Variants in ZNF334 observed in about 807,000 individuals in gnomAD.
ZNF334 encodes the protein zinc finger protein 334.
Under a neutral mutation model 12.4 loss-of-function variants are expected in ZNF334, and 14 were observed. The ratio of observed to expected loss-of-function variants is 1.13; its 90% CI spans 0.74 to 1.76. The LOEUF (loss-of-function observed/expected upper bound fraction) is 1.76, where lower values mean the gene tolerates loss of function less well. Ranked by LOEUF, ZNF334 falls within the 40% of genes most tolerant of loss-of-function variation. ZNF334 has a pLI of 0.00. For synonymous variants in ZNF334, 273 were observed against 269.6 expected (o/e 1.01, Z -0.12); for missense variants, 797 against 804.5 (o/e 0.99, Z 0.11).
chr20:46,503,280 A>G (rs979367523), intron 4 of ZNF334, among the ~76,000 whole-genome samples, 183 bp from the exon 5 acceptor site: 1 of 152,246 alleles, frequency 6.6e-6, no homozygotes, highest in African/African-American at 2.4e-5. Context: ...GAAACAAAAA[A>G]TACAAAAAAG....
chr20:46,493,090 G>GAAA, the ZNF334 span, among the ~76,000 whole-genome samples: 2 of 141,958 alleles, frequency 1.4e-5, no homozygotes. Flanking sequence ...TCTGTCTTTA[G>GAAA]AAAAAAAAAA....
Position 46,500,217 on chromosome 20 carries a change from A to G in ZNF334, c.*1079T>C, listed in dbSNP as rs1364463439. ...CTTCCTCATGCCTGGGGCAGAATGC[A>G]TAATGTGGCAGAGAAGCTAGGAATG... On this transcript the variant is annotated 3_prime_UTR_variant, in exon 5 of 5. Transcript: ENST00000692313. The G allele has an allele frequency of 6.6e-6, 1 of 152,208 alleles. No homozygotes were observed. The highest frequency in any genetic ancestry group is 1.5e-5 in the Non-Finnish European group (1 of 68,032). 9.4% of individuals were successfully genotyped at this position (152,208 alleles called of 1,614,324 possible). A position where few individuals can be genotyped will look rare whatever the true frequency, so the allele number is the denominator to read the frequency against.
intron 2 of ZNF334, among the ~76,000 whole-genome samples, chr20:46,507,283 T>C (rs1322497974): frequency 6.6e-6 from 1 of 151,616 alleles, no homozygotes; most frequent in African/African-American, 2.4e-5. Context: ...AAGAAAAGGC[T>C]AGGATGAACC....
At chr20:46,506,201 C>T in intron 2 of ZNF334, 1 of 413,228 alleles carries the variant, frequency 2.4e-6, no homozygotes, top group Non-Finnish European at 4.3e-6. Flanking sequence ...AGAGATACCA[C>T]AGTGATCAGA....
downstream of ZNF334, among the ~76,000 whole-genome samples, chr20:46,497,165 C>G (rs533787113): frequency 6.6e-6 from 1 of 152,206 alleles, no homozygotes; most frequent in South Asian, 2.1e-4. Context: ...CAAATAAGGT[C>G]TCAACCAGAC....
chr20:46,487,595 C>A, the ZNF334 span, among the ~76,000 whole-genome samples: 1 of 152,104 alleles, frequency 6.6e-6, no homozygotes, highest in Admixed American at 6.5e-5. Context: ...TATTTTGAAG[C>A]TCTGTGGGTG....
chr20:46,465,586 A>AT, the ZNF334 span, among the ~76,000 whole-genome samples: 24 of 152,138 alleles, frequency 1.6e-4, no homozygotes, highest in Non-Finnish European at 3.2e-4. Context: ...TTAGCTGGGC[A>AT]TGGTGGTGCA....
rs199589404 is a variant in ZNF334, at chr20:46,501,753, T to C, written c.1586A>G (p.Asn529Ser). The change falls in exon 5 of 5, where the codon AAC (asparagine) becomes AGC (serine). Residue 529 changes from asparagine to serine, a missense_variant. Transcript: ENST00000692313. ...CSEHGHAVSK[N>S]SHLIVHQRTI... is the part of the protein sequence containing the mutation. ...TCTCTGATGTACAATGAGGTGTGAGTTTTTGCTGACGGCATGCCCATGTTC... is the reference window on the plus strand; with the variant it reads ...TCTCTGATGTACAATGAGGTGTGAGCTTTTGCTGACGGCATGCCCATGTTC... The C allele has an allele frequency of 6.2e-7, 1 of 1,613,954 alleles. No individual in the cohort carries two copies. The highest frequency in any genetic ancestry group is 8.5e-7 in the Non-Finnish European group (1 of 1,179,970).
chr20:46,484,349 T>A, the ZNF334 span: 2 of 165,930 alleles, frequency 1.2e-5, no homozygotes, highest in Non-Finnish European at 2.9e-5. Flanking sequence ...GGTCACATAT[T>A]CTAATGTATC....
intron 2 of ZNF334, chr20:46,505,687 C>T (rs780441264): frequency 1.3e-5 from 2 of 153,764 alleles, no homozygotes; most frequent in Admixed American, 6.5e-5. Flanking sequence ...AACGTGGTCA[C>T]GCTCATTTGT....
intron 2 of ZNF334, among the ~76,000 whole-genome samples, chr20:46,511,071 A>G (rs1476635151): frequency 6.6e-6 from 1 of 152,134 alleles, no homozygotes; most frequent in East Asian, 1.9e-4. Context: ...TTCATGAAAC[A>G]AAAGATTGTA....
At chr20:46,495,582 G>C (rs2061008239), downstream of ZNF334, among the ~76,000 whole-genome samples, 1 of 152,026 alleles carries the variant, frequency 6.6e-6, no homozygotes, top group Non-Finnish European at 1.5e-5. Context: ...CCCACCTTTT[G>C]ACCTAAAACA....
At chr20:46,480,938 T>C in the ZNF334 span, 6 of 152,360 alleles carry the variant, frequency 3.9e-5, 1 homozygote, top group African/African-American at 1.4e-4. Context: ...AGCATACCCG[T>C]GGGCTCTCTT....
At chr20:46,511,964 A>T in intron 2 of ZNF334, 118 bp downstream of exon 2, 1 of 970,436 alleles carries the variant, frequency 1.0e-6, no homozygotes, top group Non-Finnish European at 1.6e-6. Context: ...CTTTTCCAGT[A>T]TTGATCGAAT....
At position 46,502,741 on chromosome 20, in the gene ZNF334, G is replaced by C; in HGVS notation, c.598C>G (p.Gln200Glu). The change falls in exon 5 of 5, where the codon CAG (glutamine) becomes GAG (glutamate). Residue 200 changes from glutamine (Q) to glutamate (E), a missense_variant. Transcript: ENST00000692313. ...SNQNENLILH[Q>E]NIQILKQPFD... The stretch of plus-strand genomic sequence containing the variant: ...GGTTGTTTCAAAATCTGAATGTTCT[G>C]GTGCAGAATAAGATTTTCGTTTTGA... 6.2e-7 allele frequency: 1 copy of C among 1,613,728 alleles called. No homozygotes were observed. The highest frequency in any genetic ancestry group is 8.5e-7 in the Non-Finnish European group (1 of 1,179,988).
In ZNF334 at chr20:46,501,557, G is replaced by A. The variant is rs1269027634; in HGVS notation, c.1782C>T (p.His594=). ...KFSFVEHQRT[H]TGEKPYECNE... is the part of the protein sequence containing the mutation. ...TACATTCATATGGTTTCTCCCCAGT[G>A]TGAGTTCGCTGATGTTCAACAAAGG... The change falls in exon 5 of 5, where the codon CAC becomes CAT. Residue 594 remains histidine, a synonymous_variant. Coordinates refer to ENST00000692313, the MANE Select transcript of ZNF334 (RefSeq NM_001353824.2). The A allele has an allele frequency of 3.7e-6, 6 of 1,613,794 alleles. No individual in the cohort carries two copies. The highest frequency in any genetic ancestry group is 1.3e-5 in the African/African-American group (1 of 74,834).
rs2061374346 is a variant in ZNF334, at chr20:46,504,790, T to C, written c.22-50A>G. ...GTGACCAAAATTGAGTGATATCAAATGTATGGTAACATAAACTATAAGAAG... is the reference window on the plus strand; with the variant it reads ...GTGACCAAAATTGAGTGATATCAAACGTATGGTAACATAAACTATAAGAAG... On this transcript the variant is annotated intron_variant, in intron 2 of 4. Coordinates refer to ENST00000692313, the MANE Select transcript of ZNF334 (RefSeq NM_001353824.2). 8 of 1,536,404 alleles carry C rather than the reference T, an allele frequency of 5.2e-6. No homozygotes were observed. In the South Asian group the frequency reaches 1.0e-4, roughly 19 times the overall value.
chr20:46,498,482 C>T (rs552450585), downstream of ZNF334, among the ~76,000 whole-genome samples: 1 of 152,218 alleles, frequency 6.6e-6, no homozygotes, highest in African/African-American at 2.4e-5. Flanking sequence ...ATCTTTCAGC[C>T]CCGTCAAGTC....
chr20:46,509,733 T>G (rs1419064082), intron 2 of ZNF334: 1 of 696,104 alleles, frequency 1.4e-6, no homozygotes, highest in Non-Finnish European at 2.6e-6. Context: ...CACCTCATGG[T>G]GTGTGGTTTC....
Sources: gnomAD v4.1 joint callset for allele counts (sites outside exome capture counted in the v4.1 genomes callset) on GRCh38, gnomAD v4.1.1 for gene constraint, MANE v1.5 for transcripts, NCBI Gene and HGNC (gene_info 2026-07-23, HGNC 2026-07-21) for gene names.